PTPN3: variants seen among roughly 807,000 people sequenced by gnomAD.
The protein encoded by PTPN3 is tyrosine-protein phosphatase non-receptor type 3.
A neutral mutation model predicts 132.7 loss-of-function variants in PTPN3; 96 were observed. The ratio of observed to expected loss-of-function variants is 0.72; its 90% CI spans 0.61 to 0.86. The LOEUF is 0.86. Among genes scored for constraint, PTPN3 ranks in the 40% least tolerant of loss-of-function variants. PTPN3 has a pLI of 0.00. For missense variants in PTPN3, 1,125 were observed against 1,159.6 expected, an observed-to-expected ratio of 0.97 and a Z score of 0.43; for synonymous variants, 398 against 429.0, an observed-to-expected ratio of 0.93 and a Z score of 0.89.
At position 109,420,463 on chromosome 9, in the gene PTPN3, C is replaced by G. The variant is rs372151791; in HGVS notation, c.1274G>C (p.Ser425Thr). The change falls in exon 14 of 26, where the codon AGC becomes ACC. Residue 425 changes from serine to threonine, a missense_variant. Coordinates refer to ENST00000374541, the MANE Select transcript of PTPN3 (RefSeq NM_002829.4). ...TCGGTTCTGAGAAACTTCAGAATCG[C>G]TGTCTTGAGGGGCCAGAGAGCCCTT... The part of the protein sequence containing the change: ...TYKGSLAPQD[S>T]DSEVSQNRSP... 1 of 1,609,926 alleles carries G rather than the reference C, an allele frequency of 6.2e-7. No homozygotes were observed. The highest frequency in any genetic ancestry group is 1.3e-5 in the African/African-American group (1 of 74,972).
intron 22 of PTPN3, among the ~76,000 whole-genome samples, chr9:109,384,286 A>C (rs1384274163): frequency 6.6e-6 from 1 of 152,176 alleles, no homozygotes; most frequent in Non-Finnish European, 1.5e-5. Context: ...GGGACTCACA[A>C]ATCGAGATGA....
intron 7 of PTPN3, among the ~76,000 whole-genome samples, chr9:109,438,899 T>C (rs1456883871): frequency 6.6e-6 from 1 of 151,478 alleles, no homozygotes; most frequent in African/African-American, 2.4e-5. Flanking sequence ...CTAAGGGGAG[T>C]CAGAAGATAT....
intron 16 of PTPN3, among the ~76,000 whole-genome samples, chr9:109,408,934 C>T (rs1042740546): frequency 2.0e-5 from 3 of 150,554 alleles, no homozygotes; most frequent in African/African-American, 2.5e-5. Flanking sequence ...ACCCTGTGAG[C>T]GCATCTGGCC....
At chr9:109,477,583 A>C (rs1846742833) in intron 1 of PTPN3, among the ~76,000 whole-genome samples, 2 of 152,246 alleles carry the variant, frequency 1.3e-5, no homozygotes, top group African/African-American at 4.8e-5. Context: ...CTTTTGCAAA[A>C]GGCCTGGACT....
At chr9:109,393,969 A>G (rs1435483499) in intron 19 of PTPN3, among the ~76,000 whole-genome samples, 1 of 152,224 alleles carries the variant, frequency 6.6e-6, no homozygotes, top group Admixed American at 6.5e-5. Context: ...CAAACACTCC[A>G]AGAGCTCAGC....
intron 4 of PTPN3, 42 bp downstream of exon 4, chr9:109,457,131 C>A (rs774409631): frequency 1.7e-5 from 27 of 1,594,908 alleles, no homozygotes; most frequent in Admixed American, 1.7e-4. Context: ...CTGTGATACA[C>A]TAACACCTAA....
chr9:109,475,736 G>A (rs1846626833), intron 1 of PTPN3, among the ~76,000 whole-genome samples: 2 of 152,194 alleles, frequency 1.3e-5, no homozygotes, highest in African/African-American at 4.8e-5. Context: ...AGCAGCAGAA[G>A]CCTTCAGAAA....
chr9:109,418,116 G>C (rs1046082530), intron 14 of PTPN3, among the ~76,000 whole-genome samples: 1 of 152,138 alleles, frequency 6.6e-6, no homozygotes, highest in Non-Finnish European at 1.5e-5. Flanking sequence ...TCTGATGTAG[G>C]GCACGTACTG....
chr9:109,420,748 A>C, intron 13 of PTPN3, 148 bp from the exon 14 acceptor site: 1 of 820,524 alleles, frequency 1.2e-6, no homozygotes, highest in Non-Finnish European at 1.8e-6. Context: ...ACTCATTACT[A>C]CCCCAGCAGA....
At chr9:109,517,499 G>A in the PTPN3 span, among the ~76,000 whole-genome samples, 1 of 152,226 alleles carries the variant, frequency 6.6e-6, no homozygotes, top group Non-Finnish European at 1.5e-5. Context: ...GTTCAAGGTA[G>A]TGGTTATCAA....
rs147091762 is a variant in PTPN3, at chr9:109,380,126, T to C, written c.2665-493A>G. On this transcript the variant is annotated intron_variant, in intron 25 of 25. Coordinates refer to ENST00000374541, the MANE Select transcript of PTPN3 (RefSeq NM_002829.4). Reference sequence around the variant, plus strand: ...AAAGATGCTCTGCAGGATACAGTTATTTATCTTAGCAAATACCTAAGAAAC... The same window carrying C: ...AAAGATGCTCTGCAGGATACAGTTACTTATCTTAGCAAATACCTAAGAAAC... Among the ~76,000 whole-genome samples the C allele has an allele frequency of 6.1e-3, 929 of 152,310 alleles. 5 individuals are homozygous for C. Among genetic ancestry groups the C allele is most frequent in the African/African-American group, 0.021 (876 of 41,562 alleles).
At chr9:109,476,495 C>A (rs972613352) in intron 1 of PTPN3, among the ~76,000 whole-genome samples, 2 of 152,272 alleles carry the variant, frequency 1.3e-5, no homozygotes, top group Admixed American at 6.5e-5. Flanking sequence ...TGTACTGAGG[C>A]CTTCCACATG....
chr9:109,404,524 C>A lies in PTPN3; in HGVS notation c.1877G>T (p.Gly626Val). Reference protein sequence around the residue: ...PEAIFPMCPEGGDTLEGSMAQ... With the variant: ...PEAIFPMCPEVGDTLEGSMAQ... The stretch of plus-strand genomic sequence containing the variant: ...CATGGATCCCTCCAAAGTGTCCCCA[C>A]CCTCCGGACACATGGGGAAAATGGC... The change falls in exon 19 of 26, where the codon GGT becomes GTT. Residue 626 changes from glycine to valine, a missense_variant. Coordinates refer to ENST00000374541, the MANE Select transcript of PTPN3 (RefSeq NM_002829.4). 4 of 1,569,968 alleles carry A rather than the reference C, an allele frequency of 2.5e-6. No individual in the cohort carries two copies. Among genetic ancestry groups the A allele is most frequent in the Non-Finnish European group, 3.5e-6 (4 of 1,151,684 alleles).
In PTPN3 at chr9:109,457,289, T is replaced by G. The variant is rs1447532255; in HGVS notation, c.246+3A>C. The stretch of plus-strand genomic sequence containing the variant: ...CAGCACATTTTTTAAAAATGGCACT[T>G]ACAGGAGAGTCCACGGAGTCGTCAT... On this transcript the variant is annotated splice_donor_region_variant and intron_variant, in intron 3 of 25. Coordinates refer to ENST00000374541, the MANE Select transcript of PTPN3 (RefSeq NM_002829.4). 1 of 1,613,334 alleles carries G rather than the reference T, an allele frequency of 6.2e-7. No homozygotes were observed. Among genetic ancestry groups the G allele is most frequent in the Non-Finnish European group, 8.5e-7 (1 of 1,179,430 alleles).
intron 9 of PTPN3, among the ~76,000 whole-genome samples, chr9:109,434,464 C>T (rs1372803782): frequency 5.9e-5 from 9 of 151,650 alleles, no homozygotes; most frequent in Non-Finnish European, 1.2e-4. Flanking sequence ...TGTGCCACCA[C>T]GCCCAGCTAA....
the PTPN3 span, among the ~76,000 whole-genome samples, chr9:109,530,741 A>C: frequency 6.6e-6 from 1 of 152,184 alleles, no homozygotes; most frequent in Non-Finnish European, 1.5e-5. Context: ...TTCTGGGTTT[A>C]AAACAAATAA....
At chr9:109,383,331 G>A (rs1839275214) in intron 23 of PTPN3, 92 bp downstream of exon 23, 1 of 1,601,812 alleles carries the variant, frequency 6.2e-7, no homozygotes, top group Admixed American at 1.7e-5. Context: ...GGTGCAAACA[G>A]AGTGCACACC....
At chr9:109,510,696 G>A in the PTPN3 span, among the ~76,000 whole-genome samples, 1 of 149,352 alleles carries the variant, frequency 6.7e-6, no homozygotes, top group African/African-American at 2.5e-5. Context: ...TTGTAATCAC[G>A]TGGGAAAATG....
chr9:109,434,101 C>G (rs573261039), intron 9 of PTPN3, among the ~76,000 whole-genome samples: 2 of 152,234 alleles, frequency 1.3e-5, no homozygotes, highest in South Asian at 4.1e-4. Context: ...CCTCTTGAGT[C>G]ATTTACCTTC....
Sources: allele counts gnomAD v4.1 joint callset (sites outside exome capture counted in the v4.1 genomes callset), GRCh38; gene constraint gnomAD v4.1.1; transcripts MANE v1.5; gene names NCBI Gene and HGNC (gene_info 2026-07-23, HGNC 2026-07-21).